VEPH1: variants seen among roughly 807,000 people sequenced by gnomAD.
The protein encoded by VEPH1 is ventricular zone-expressed PH domain-containing protein homolog 1.
A neutral mutation model predicts 85.2 loss-of-function variants in VEPH1; 80 were observed. The observed-to-expected ratio is 0.94, with a 90% CI of 0.78 to 1.13. The LOEUF (loss-of-function observed/expected upper bound fraction) is 1.13, where lower values mean the gene tolerates loss of function less well. Ranked by LOEUF, VEPH1 falls within the 50% of genes most tolerant of loss-of-function variation. The pLI is 0.00. For missense variants in VEPH1, 955 were observed against 980.5 expected (o/e 0.97, Z 0.35); for synonymous variants, 297 against 348.0 (o/e 0.85, Z 1.63).
rs192185315 is a variant in VEPH1, at chr3:157,315,384, A to C, written c.1876-1629T>G. ...AATACATCTGATAAATTATTATTAT[A>C]AAAAACTGATGAAGCACCCAATTTT... is the stretch of plus-strand genomic sequence containing the variant. On this transcript the variant is annotated intron_variant, in intron 10 of 13. Transcript: ENST00000362010. 1.8e-3 allele frequency among the ~76,000 whole-genome samples: 269 copies of C among 152,226 alleles called. 2 individuals are homozygous for C. Among genetic ancestry groups the C allele is most frequent in the Middle Eastern group, 0.017 (5 of 294 alleles).
At chr3:157,348,806 G>A (rs1028174945) in intron 9 of VEPH1, among the ~76,000 whole-genome samples, 3 of 152,188 alleles carry the variant, frequency 2.0e-5, no homozygotes, top group Non-Finnish European at 2.9e-5. Flanking sequence ...ATCCATTGCT[G>A]TGGTCCTCTG....
intron 9 of VEPH1, among the ~76,000 whole-genome samples, chr3:157,347,202 A>G (rs1317827934): frequency 6.6e-6 from 1 of 150,984 alleles, no homozygotes; most frequent in Admixed American, 6.6e-5. Flanking sequence ...AAAACCAACA[A>G]AAAAAAAACC....
chr3:157,382,287 A>C lies in VEPH1; in HGVS notation c.907-911T>G, dbSNP rs187208570. ...CTTCAAAGAATGAAAGATTAAGGAC[A>C]ATATGAATAATGTAGGCATGAGCAA... On this transcript the variant is annotated intron_variant, in intron 6 of 13. Transcript: ENST00000362010. Among the ~76,000 whole-genome samples the C allele has an allele frequency of 5.0e-3, 767 of 152,352 alleles. 8 individuals carry two copies. The highest frequency in any genetic ancestry group is 0.018 in the African/African-American group (732 of 41,582).
chr3:157,269,111 G>A (rs1437503899), intron 12 of VEPH1, among the ~76,000 whole-genome samples: 1 of 152,146 alleles, frequency 6.6e-6, no homozygotes, highest in South Asian at 2.1e-4. Context: ...GATTGACTTA[G>A]GTAATATTTA....
At chr3:157,334,579 C>T (rs1577365546) in intron 9 of VEPH1, among the ~76,000 whole-genome samples, 1 of 152,154 alleles carries the variant, frequency 6.6e-6, no homozygotes, top group Non-Finnish European at 1.5e-5. Flanking sequence ...TTAACAAATA[C>T]TCTGAGGACT....
At chr3:157,412,309 T>C (rs976997714) in intron 6 of VEPH1, among the ~76,000 whole-genome samples, 1 of 152,184 alleles carries the variant, frequency 6.6e-6, no homozygotes, top group Non-Finnish European at 1.5e-5. Context: ...TAATTGCATA[T>C]GGTTATACTG....
At chr3:157,366,598 G>C (rs1393370274) in intron 7 of VEPH1, among the ~76,000 whole-genome samples, 1 of 152,032 alleles carries the variant, frequency 6.6e-6, no homozygotes, top group Non-Finnish European at 1.5e-5. Context: ...AGCTGGGTGT[G>C]GTGTCAGGCA....
intron 2 of VEPH1, chr3:157,489,384 A>G (rs1739003288): frequency 5.9e-6 from 2 of 340,036 alleles, no homozygotes; most frequent in Admixed American, 7.4e-5. Flanking sequence ...GATTTTCTCC[A>G]GTACAGCCAC....
chr3:157,437,847 G>A, intron 4 of VEPH1: 10 of 1,497,400 alleles, frequency 6.7e-6, no homozygotes, highest in Non-Finnish European at 8.8e-6. Context: ...TGCTAGAGGA[G>A]CTGCGGCAGA....
chr3:157,486,549 G>A (rs922388838), intron 2 of VEPH1, among the ~76,000 whole-genome samples: 3 of 151,030 alleles, frequency 2.0e-5, no homozygotes, highest in South Asian at 4.2e-4. Flanking sequence ...CTCACATTCT[G>A]GGCTTGATTT....
intron 11 of VEPH1, 53 bp downstream of exon 11, chr3:157,313,568 C>G: frequency 1.9e-6 from 3 of 1,575,100 alleles, no homozygotes; most frequent in Non-Finnish European, 2.6e-6. Context: ...GAAACTGTTT[C>G]AAGACAATCT....
intron 11 of VEPH1, among the ~76,000 whole-genome samples, chr3:157,306,133 C>T (rs1719488873): frequency 6.6e-6 from 1 of 152,070 alleles, no homozygotes; most frequent in South Asian, 2.1e-4. Context: ...ACCCATGTAC[C>T]TGCCAGCCAG....
rs770825804 is a variant in VEPH1 at position 157,261,217 on chromosome 3, C to A, written c.2419G>T (p.Ala807Ser). The A allele has an allele frequency of 6.2e-7, 1 of 1,613,850 alleles. No homozygotes were observed. Among genetic ancestry groups the A allele is most frequent in the South Asian group, 1.1e-5 (1 of 91,088 alleles). ...YVFKAKDEKN[A>S]EEWLQCINVA... ...TTGATGCACTGGAGCCATTCTTCTG[C>A]ATTCTTCTCATCCTTGGCCTTAAAG... Residue 807 changes from alanine to serine, a missense_variant, in exon 14 of 14, where the codon GCA (alanine) becomes TCA (serine). Transcript: ENST00000362010.
At chr3:157,362,542 T>C (rs9883822) in intron 9 of VEPH1, among the ~76,000 whole-genome samples, 62,806 of 152,000 alleles carry the variant, frequency 0.41, 13,780 homozygotes, top group East Asian at 0.76. Context: ...GATGGTTGAA[T>C]TTACCATTTT....
rs1728737658 is a variant in VEPH1, at chr3:157,381,299, C to G, written c.984G>C (p.Leu328=). The change falls in exon 7 of 14, where the codon CTG becomes CTC. Residue 328 remains leucine (L), a synonymous_variant. Transcript: ENST00000362010. ...TGTCGGTGATGCTTTTAATCTCCAGCAGGAGAATATGGTGAAACGAATGCT... is the reference window on the plus strand; with the variant it reads ...TGTCGGTGATGCTTTTAATCTCCAGGAGGAGAATATGGTGAAACGAATGCT... ...NMEHSFHHIL[L]LEIKSITDTF... is the part of the protein sequence containing the mutation. 9.3e-6 allele frequency: 15 copies of G among 1,614,052 alleles called. No individual in the cohort carries two copies. In the East Asian group the frequency reaches 3.3e-4, roughly 36 times the overall value.
chr3:157,279,695 T>A (rs562874616), intron 12 of VEPH1, among the ~76,000 whole-genome samples: 151 of 152,276 alleles, frequency 9.9e-4, no homozygotes, highest in Non-Finnish European at 1.9e-3. Flanking sequence ...CATCCTTTGA[T>A]GACTTTATTC....
At chr3:157,483,845 A>C (rs956661355) in intron 2 of VEPH1, among the ~76,000 whole-genome samples, 9 of 152,228 alleles carry the variant, frequency 5.9e-5, no homozygotes, top group African/African-American at 1.7e-4. Context: ...GTATGTACTC[A>C]ATACATATTT....
chr3:157,436,192 G>A (rs561650459), intron 4 of VEPH1, among the ~76,000 whole-genome samples: 15 of 152,014 alleles, frequency 9.9e-5, no homozygotes, highest in African/African-American at 3.6e-4. Flanking sequence ...TAGGAGAATC[G>A]CTTGAACCCA....
At chr3:157,306,488 G>A (rs1719523446) in intron 11 of VEPH1, among the ~76,000 whole-genome samples, 1 of 151,850 alleles carries the variant, frequency 6.6e-6, no homozygotes, top group Non-Finnish European at 1.5e-5. Context: ...TTACATATAG[G>A]TCTAATTAAT....
Sources: gnomAD v4.1 joint callset for allele counts (sites outside exome capture counted in the v4.1 genomes callset) on GRCh38, gnomAD v4.1.1 for gene constraint, MANE v1.5 for transcripts, NCBI Gene and HGNC (gene_info 2026-07-23, HGNC 2026-07-21) for gene names.